WDHD1: variants seen among roughly 807,000 people sequenced by gnomAD.
WDHD1 encodes the protein WD repeat and HMG-box DNA binding protein 1, also known as WD repeat and HMG-box DNA-binding protein 1.
WDHD1 carries 111 observed loss-of-function variants against 135.4 expected under a neutral mutation model. That is an observed-to-expected ratio of 0.82 (90% CI 0.70 to 0.96). The LOEUF is 0.96. WDHD1 is among the 40% of genes least tolerant of loss of function. WDHD1 has a pLI of 0.00. For missense variants in WDHD1, 1,351 were observed against 1,336.3 expected (o/e 1.01, Z -0.17); for synonymous variants, 434 against 439.0 (o/e 0.99, Z 0.14).
chr14:54,955,635 C>T lies in WDHD1; in HGVS notation c.2976G>A (p.Val992=). 2 of 1,590,926 alleles carry T rather than the reference C, an allele frequency of 1.3e-6. No homozygotes were observed. The highest frequency in any genetic ancestry group is 8.5e-7 in the Non-Finnish European group (1 of 1,171,418). The change falls in exon 24 of 26, where the codon GTG becomes GTA. Residue 992 remains valine, a synonymous_variant. Transcript: ENST00000360586. Reference sequence around the variant, plus strand: ...ATACATTTTTAAGATTTTCTTCTTTCACTTCCTCAGTTTTATTAGTTTGAG... The same window carrying T: ...ATACATTTTTAAGATTTTCTTCTTTTACTTCCTCAGTTTTATTAGTTTGAG... ...RNSQTNKTEE[V]KEENLKNVLS...
chr14:54,948,103 A>G (rs2040963671), intron 24 of WDHD1, among the ~76,000 whole-genome samples: 1 of 151,980 alleles, frequency 6.6e-6, no homozygotes, highest in Admixed American at 6.6e-5. Flanking sequence ...GAAGAGCTTC[A>G]GCCTACAGCT....
At chr14:54,969,684 C>T (rs1386485650) in intron 16 of WDHD1, among the ~76,000 whole-genome samples, 1 of 152,092 alleles carries the variant, frequency 6.6e-6, no homozygotes, top group Non-Finnish European at 1.5e-5. Context: ...ATACCAACTC[C>T]TCTCCAAATC....
At chr14:54,963,980 C>T (rs1393651123) in intron 18 of WDHD1, among the ~76,000 whole-genome samples, 1 of 152,004 alleles carries the variant, frequency 6.6e-6, no homozygotes, top group Non-Finnish European at 1.5e-5. Context: ...TGGTGGCATG[C>T]ACCTGCAGTC....
chr14:54,999,561 G>A (rs184112140), intron 10 of WDHD1, among the ~76,000 whole-genome samples: 1 of 152,294 alleles, frequency 6.6e-6, no homozygotes, highest in Admixed American at 6.5e-5. Context: ...AGAAGCTGAA[G>A]TGAGTTTCTC....
chr14:55,005,606 G>A (rs975584463), intron 7 of WDHD1: 1 of 598,844 alleles, frequency 1.7e-6, no homozygotes, highest in African/African-American at 1.8e-5. Flanking sequence ...GACAAAGCTG[G>A]TGCTACCTAA....
At chr14:54,983,406 C>T (rs1429195988) in intron 15 of WDHD1, among the ~76,000 whole-genome samples, 1 of 149,972 alleles carries the variant, frequency 6.7e-6, no homozygotes, top group Non-Finnish European at 1.5e-5. Context: ...GGGGCGGTGG[C>T]TCACGCCTGT....
At chr14:54,959,322 T>TG (rs2041210305) in intron 21 of WDHD1, among the ~76,000 whole-genome samples, 1 of 144,474 alleles carries the variant, frequency 6.9e-6, no homozygotes, top group Non-Finnish European at 1.5e-5. Flanking sequence ...CGCTTGGGTC[T>TG]GGGGGGTTGA....
chr14:54,942,152 G>A (rs183241805), intron 25 of WDHD1, among the ~76,000 whole-genome samples: 101 of 152,196 alleles, frequency 6.6e-4, no homozygotes, highest in African/African-American at 2.4e-3. Flanking sequence ...TTGGGAGGCT[G>A]AGGCAGGAGA....
chr14:55,015,918 T>G (rs1253960811), intron 2 of WDHD1, among the ~76,000 whole-genome samples: 1 of 151,972 alleles, frequency 6.6e-6, no homozygotes, highest in East Asian at 1.9e-4. Flanking sequence ...AGGCTGGTCT[T>G]GAACTCCTGA....
intron 16 of WDHD1, among the ~76,000 whole-genome samples, chr14:54,972,767 T>C (rs191150720): frequency 4.5e-4 from 68 of 151,926 alleles, no homozygotes; most frequent in African/African-American, 1.3e-3. Flanking sequence ...CTGGGCAACA[T>C]AGCAAGACTC....
chr14:54,978,313 T>C (rs1174356372), intron 16 of WDHD1, among the ~76,000 whole-genome samples: 5 of 152,248 alleles, frequency 3.3e-5, no homozygotes, highest in Admixed American at 3.3e-4. Flanking sequence ...GCTTGGCATC[T>C]GGCTTATACC....
chr14:55,000,575 A>G lies in WDHD1; in HGVS notation c.870T>C (p.Tyr290=). 1.2e-6 allele frequency: 2 copies of G among 1,608,782 alleles called. No individual in the cohort carries two copies. Among genetic ancestry groups the G allele is most frequent in the Non-Finnish European group, 1.7e-6 (2 of 1,177,326 alleles). The change falls in exon 10 of 26, where the codon TAT becomes TAC. Residue 290 remains tyrosine (Y), a synonymous_variant. Coordinates refer to ENST00000360586, the MANE Select transcript of WDHD1 (RefSeq NM_007086.4). ...GCCCTAGATTTCCTTCCGCATCAGT[A>G]TACGATATTCGACCACAAGTAGGAT... ...AWHPTCGRIS[Y]TDAEGNLGLL...
rs546995062 is a variant in WDHD1, at chr14:54,946,091, A to G, written c.3051-1621T>C. 2.6e-5 allele frequency among the ~76,000 whole-genome samples: 4 copies of G among 152,348 alleles called. No homozygotes were observed. In the South Asian group the frequency reaches 8.3e-4, roughly 32 times the overall value. The stretch of plus-strand genomic sequence containing the variant: ...ATCAAGGTATAACAAAGGTTCCTGA[A>G]TTTCCAAAAATTAATGAAGACCCAT... On this transcript the variant is annotated intron_variant, in intron 24 of 25. Transcript: ENST00000360586.
intron 16 of WDHD1, among the ~76,000 whole-genome samples, chr14:54,980,255 G>A (rs567280124): frequency 5.3e-5 from 8 of 151,962 alleles, no homozygotes; most frequent in Admixed American, 4.6e-4. Context: ...TGTCACTGAA[G>A]TGAGCCTGAA....
At chr14:54,999,069 C>T (rs117236077) in intron 10 of WDHD1, among the ~76,000 whole-genome samples, 201 of 152,296 alleles carry the variant, frequency 1.3e-3, no homozygotes, top group Non-Finnish European at 2.4e-3. Flanking sequence ...TCTCTCTTTA[C>T]GTCTTTTCTC....
At chr14:54,992,753 A>G (rs189897678) in intron 11 of WDHD1, among the ~76,000 whole-genome samples, 5 of 152,116 alleles carry the variant, frequency 3.3e-5, no homozygotes, top group African/African-American at 1.2e-4. Context: ...CATCTCTACA[A>G]AAAATAAAAA....
intron 2 of WDHD1, among the ~76,000 whole-genome samples, chr14:55,022,094 T>C (rs1261471837): frequency 1.3e-5 from 2 of 152,216 alleles, no homozygotes; most frequent in African/African-American, 2.4e-5. Flanking sequence ...ACCTTCAGTA[T>C]TGAACTTATG....
At chr14:55,023,490 A>C (rs2042382674) in intron 2 of WDHD1, among the ~76,000 whole-genome samples, 1 of 152,224 alleles carries the variant, frequency 6.6e-6, no homozygotes, top group African/African-American at 2.4e-5. Context: ...TTATCAGGCA[A>C]TTCAACTTTT....
intron 22 of WDHD1, 100 bp downstream of exon 22, chr14:54,957,492 C>T: frequency 9.0e-7 from 1 of 1,112,562 alleles, no homozygotes; most frequent in Non-Finnish European, 1.3e-6. Context: ...ATCAGTCTTT[C>T]ATGCCTCCAA....
Sources: allele counts gnomAD v4.1 joint callset (sites outside exome capture counted in the v4.1 genomes callset), GRCh38; gene constraint gnomAD v4.1.1; transcripts MANE v1.5; gene names NCBI Gene and HGNC (gene_info 2026-07-23, HGNC 2026-07-21).